C12orf42: variants seen among roughly 807,000 people sequenced by gnomAD.
C12orf42 encodes the protein uncharacterized protein C12orf42.
In C12orf42, 25 loss-of-function variants were observed where a neutral mutation model predicts 21.6. That is an observed-to-expected ratio of 1.16 (90% CI 0.84 to 1.62). The LOEUF is 1.62. Ranked by LOEUF, C12orf42 falls within the 40% of genes most tolerant of loss-of-function variation. C12orf42 has a pLI of 0.00. For synonymous variants in C12orf42, 174 were observed against 175.0 expected, an observed-to-expected ratio of 0.99 and a Z score of 0.05; for missense variants, 483 against 459.3, an observed-to-expected ratio of 1.05 and a Z score of -0.47.
chr12:103,367,124 A>C (rs1246021088), intron 4 of C12orf42, among the ~76,000 whole-genome samples: 1 of 152,082 alleles, frequency 6.6e-6, no homozygotes, highest in African/African-American at 2.4e-5. Flanking sequence ...ATAAAAAGGA[A>C]TGAATTAATA....
chr12:103,459,100 A>G (rs73187817), intron 2 of C12orf42, among the ~76,000 whole-genome samples: 1,680 of 152,190 alleles, frequency 0.011, 13 homozygotes, highest in Non-Finnish European at 0.017. Flanking sequence ...AATATCTACA[A>G]CTTGAAGGAG....
chr12:103,405,301 C>G (rs1459540627), intron 2 of C12orf42, among the ~76,000 whole-genome samples: 1 of 152,114 alleles, frequency 6.6e-6, no homozygotes, highest in Non-Finnish European at 1.5e-5. Context: ...CATTTAAAAT[C>G]CAATGAAGTT....
chr12:103,214,836 G>C, the C12orf42 span, among the ~76,000 whole-genome samples: 3 of 152,148 alleles, frequency 2.0e-5, no homozygotes, highest in African/African-American at 7.2e-5. Context: ...AGTTTTTGTT[G>C]ATGCCGTGCC....
rs903899750 is a variant in C12orf42 at position 103,380,355 on chromosome 12, A to AT, written c.148-11358dup. ...TAAACAGATGTTAAGCTTCTGTGAG[A>AT]TTTTTTTTTTGTAAACTGTTATTTC... is the stretch of plus-strand genomic sequence containing the variant. On this transcript the variant is annotated intron_variant, in intron 3 of 5. Coordinates refer to ENST00000548883, the MANE Select transcript of C12orf42 (RefSeq NM_198521.5). 5.5e-3 allele frequency among the ~76,000 whole-genome samples: 827 copies of AT among 150,452 alleles called. 10 individuals carry two copies. The highest frequency in any genetic ancestry group is 0.019 in the African/African-American group (763 of 41,128).
At chr12:103,073,749 G>A in the C12orf42 span, among the ~76,000 whole-genome samples, 4 of 152,066 alleles carry the variant, frequency 2.6e-5, no homozygotes, top group African/African-American at 9.7e-5. Flanking sequence ...CATATTCATG[G>A]AAAATAAGTA....
chr12:103,294,918 T>G (rs183056691), intron 4 of C12orf42, among the ~76,000 whole-genome samples: 1 of 152,212 alleles, frequency 6.6e-6, no homozygotes, highest in East Asian at 1.9e-4. Flanking sequence ...CCTCCCATCC[T>G]TCACCCTCCA....
chr12:103,302,268 G>C lies in C12orf42; in HGVS notation c.923C>G (p.Ala308Gly). ...QADTSLHGNLAGAPLPLLAGA... is the reference protein window; with the variant it reads ...QADTSLHGNLGGAPLPLLAGA... ...GGCCAGCAGAGGAAGGGGCGCTCCT[G>C]CCAGATTGCCATGGAGGGAGGTGTC... The change falls in exon 6 of 6, where the codon GCA (alanine) becomes GGA (glycine). Residue 308 changes from alanine to glycine, a missense_variant. Ala to Gly is a moderately conservative substitution (Grantham distance 60). Transcript: ENST00000548883. 6.2e-7 allele frequency: 1 copy of C among 1,612,384 alleles called. No homozygotes were observed.
the C12orf42 span, among the ~76,000 whole-genome samples, chr12:103,161,237 A>G: frequency 1.3e-5 from 2 of 152,224 alleles, no homozygotes; most frequent in African/African-American, 4.8e-5. Flanking sequence ...AGACTAGAAG[A>G]GGGAATTTAT....
chr12:103,121,239 G>A, the C12orf42 span, among the ~76,000 whole-genome samples: 9 of 152,154 alleles, frequency 5.9e-5, 1 homozygote, highest in Admixed American at 2.6e-4. Context: ...AAAATAATCA[G>A]TTATTGAACT....
chr12:103,538,755 C>G, the C12orf42 span, among the ~76,000 whole-genome samples: 113,930 of 152,048 alleles, frequency 0.75, 43,114 homozygotes, highest in South Asian at 0.84. Context: ...CCTTCCAACA[C>G]TTTTGTGAGC....
chr12:103,311,871 T>C (rs958278362), intron 4 of C12orf42, among the ~76,000 whole-genome samples: 2 of 152,200 alleles, frequency 1.3e-5, no homozygotes, highest in African/African-American at 4.8e-5. Context: ...GATGAAAATG[T>C]ATAATCAGGG....
chr12:103,414,224 C>T (rs552880012), intron 2 of C12orf42, among the ~76,000 whole-genome samples: 9 of 151,918 alleles, frequency 5.9e-5, no homozygotes, highest in Non-Finnish European at 1.2e-4. Flanking sequence ...TTTGCATTTC[C>T]CTGTTAATTA....
At chr12:103,184,492 A>G in the C12orf42 span, among the ~76,000 whole-genome samples, 1 of 152,170 alleles carries the variant, frequency 6.6e-6, no homozygotes, top group East Asian at 1.9e-4. Flanking sequence ...TTCCTTTTGA[A>G]AGCACAAAAT....
chr12:103,557,423 C>T, the C12orf42 span: 16 of 152,216 alleles, frequency 1.1e-4, no homozygotes, highest in South Asian at 2.1e-4. Context: ...TATTGTTGTC[C>T]AGGCCACACC....
intron 2 of C12orf42, among the ~76,000 whole-genome samples, chr12:103,410,914 C>A (rs2048797414): frequency 6.6e-6 from 1 of 152,156 alleles, no homozygotes; most frequent in Admixed American, 6.5e-5. Flanking sequence ...TAGCTACTGT[C>A]ATCTCTATTT....
rs190390467 is a variant in C12orf42, at chr12:103,271,022, C to T, written n.399-1169G>A. 9.1e-4 allele frequency among the ~76,000 whole-genome samples: 139 copies of T among 152,192 alleles called. 1 individual carries two copies. Among genetic ancestry groups the T allele is most frequent in the African/African-American group, 3.1e-3 (130 of 41,538 alleles). ...CCAGAAATGTGAATTATATGATTTG[C>T]TTTGCCAGGGGCAAAGCAGTAATTC... On this transcript the variant is annotated intron_variant and non_coding_transcript_variant, in intron 5 of 6. Coordinates refer to the C12orf42 transcript ENST00000546526.
chr12:103,494,848 G>A (rs1955411909), intron 1 of C12orf42, among the ~76,000 whole-genome samples: 1 of 152,200 alleles, frequency 6.6e-6, no homozygotes, highest in African/African-American at 2.4e-5. Flanking sequence ...GAATGAATGG[G>A]AGGAGGAGGT....
intron 2 of C12orf42, among the ~76,000 whole-genome samples, chr12:103,417,718 G>T (rs1310513603): frequency 6.6e-6 from 1 of 152,092 alleles, no homozygotes; most frequent in East Asian, 1.9e-4. Flanking sequence ...AGTTATACTG[G>T]GTAGACGTTT....
chr12:103,494,443 T>C (rs774941464), intron 1 of C12orf42, among the ~76,000 whole-genome samples: 1 of 152,216 alleles, frequency 6.6e-6, no homozygotes, highest in Non-Finnish European at 1.5e-5. Context: ...TAGTCTCTTT[T>C]TCTCTTTCTC....
Sources: gnomAD v4.1 joint callset for allele counts (sites outside exome capture counted in the v4.1 genomes callset) on GRCh38, gnomAD v4.1.1 for gene constraint, MANE v1.5 for transcripts, NCBI Gene and HGNC (gene_info 2026-07-23, HGNC 2026-07-21) for gene names.